Variants in TMTC2 observed in about 807,000 individuals in gnomAD.
The protein encoded by TMTC2 is protein O-mannosyl-transferase TMTC2.
TMTC2 carries 43 observed loss-of-function variants against 82.4 expected under a neutral mutation model. The observed-to-expected ratio is 0.52, with a 90% CI of 0.41 to 0.67. TMTC2 has a LOEUF of 0.67. Ranked by LOEUF, TMTC2 falls within the 30% of genes least tolerant of loss-of-function variation. TMTC2 has a pLI of 0.00. For synonymous variants in TMTC2, 408 were observed against 381.9 expected, an observed-to-expected ratio of 1.07 and a Z score of -0.80; for missense variants, 919 against 1,012.4, an observed-to-expected ratio of 0.91 and a Z score of 1.25.
intron 11 of TMTC2, among the ~76,000 whole-genome samples, chr12:83,092,986 CTGT>C (rs1883893676): frequency 6.6e-6 from 1 of 152,208 alleles, no homozygotes; most frequent in Non-Finnish European, 1.5e-5. Context: ...TTAAATATCA[CTGT>C]GTGTCAAAGG....
rs17009976 is a variant in TMTC2 at position 82,784,473 on chromosome 12, A to G, written c.84-72537A>G. On this transcript the variant is annotated intron_variant, in intron 1 of 11. Coordinates refer to ENST00000321196, the MANE Select transcript of TMTC2 (RefSeq NM_152588.3). The stretch of plus-strand genomic sequence containing the variant: ...TTACTATGATCGCACGGCCTGATAC[A>G]TCGGTGTTTCCTCCTACCTTGTAGA... Among the ~76,000 whole-genome samples the G allele has an allele frequency of 3.5e-3, 536 of 152,238 alleles. 2 individuals are homozygous for G. Among genetic ancestry groups the G allele is most frequent in the African/African-American group, 0.012 (486 of 41,574 alleles).
intron 11 of TMTC2, among the ~76,000 whole-genome samples, chr12:83,069,978 T>C (rs1441192884): frequency 6.6e-6 from 1 of 152,154 alleles, no homozygotes; most frequent in African/African-American, 2.4e-5. Context: ...TTGTTTGCTT[T>C]GTCGAAGATC....
rs1346299866 is a variant in TMTC2 at position 83,005,224 on chromosome 12, A to G, written c.2070+19178A>G. ...GTCTTATTAAAAAAAAAAAAAAAAAAGGGGAGAGAGAGAAAAGAAAAAAGG... is the reference window on the plus strand; with the variant it reads ...GTCTTATTAAAAAAAAAAAAAAAAAGGGGGAGAGAGAGAAAAGAAAAAAGG... On this transcript the variant is annotated intron_variant, in intron 8 of 11. Coordinates refer to ENST00000321196, the MANE Select transcript of TMTC2 (RefSeq NM_152588.3). Among the ~76,000 whole-genome samples, 16 of 12,708 alleles carry G rather than the reference A, an allele frequency of 1.3e-3. 1 individual carries two copies. The highest frequency in any genetic ancestry group is 2.0e-3 in the Admixed American group (1 of 504). 8.3% of individuals were successfully genotyped at this position (12,708 alleles called of 152,430 possible). A position where few individuals can be genotyped will look rare whatever the true frequency, so the allele number is the denominator to read the frequency against.
At chr12:83,039,070 T>A (rs1437706182) in intron 9 of TMTC2, among the ~76,000 whole-genome samples, 4 of 152,010 alleles carry the variant, frequency 2.6e-5, no homozygotes, top group Non-Finnish European at 5.9e-5. Context: ...TAGCCGGTAT[T>A]ATAGGCACCC....
chr12:83,045,098 G>A (rs1882037403), intron 9 of TMTC2, among the ~76,000 whole-genome samples: 1 of 152,098 alleles, frequency 6.6e-6, no homozygotes, highest in Admixed American at 6.5e-5. Flanking sequence ...GAGAAGAAAT[G>A]GTATTACTCT....
chr12:82,892,027 C>G (rs1031678071), intron 2 of TMTC2, among the ~76,000 whole-genome samples: 1 of 152,118 alleles, frequency 6.6e-6, no homozygotes, highest in Non-Finnish European at 1.5e-5. Context: ...GATTGTACCA[C>G]TGCACTCCAG....
chr12:82,906,425 G>T (rs1874312214), intron 3 of TMTC2, among the ~76,000 whole-genome samples: 1 of 152,134 alleles, frequency 6.6e-6, no homozygotes, highest in Non-Finnish European at 1.5e-5. Context: ...AGCACTTTGG[G>T]AGGCCAAGGC....
intron 1 of TMTC2, among the ~76,000 whole-genome samples, chr12:82,852,846 AC>A (rs1183849885): frequency 6.6e-6 from 1 of 152,160 alleles, no homozygotes; most frequent in Admixed American, 6.5e-5. Flanking sequence ...CTTATCACTG[AC>A]CTGCATGTGT....
chr12:82,950,069 C>T (rs1049430112), intron 4 of TMTC2, among the ~76,000 whole-genome samples: 18 of 152,076 alleles, frequency 1.2e-4, no homozygotes, highest in African/African-American at 4.1e-4. Flanking sequence ...AGAGAAAGGG[C>T]GGGTATTAAT....
chr12:83,031,840 C>G (rs532161152), intron 9 of TMTC2, among the ~76,000 whole-genome samples: 1 of 152,068 alleles, frequency 6.6e-6, no homozygotes, highest in African/African-American at 2.4e-5. Context: ...CCATTTTTTA[C>G]TTTATGTTAT....
intron 1 of TMTC2, among the ~76,000 whole-genome samples, chr12:82,823,859 T>C (rs1215539787): frequency 6.6e-6 from 1 of 151,738 alleles, no homozygotes; most frequent in African/African-American, 2.4e-5. Flanking sequence ...GGAAGAATAA[T>C]GTGTATTAAG....
chr12:83,038,938 T>TG lies in TMTC2; in HGVS notation c.2152+8059_2152+8060insG, dbSNP rs1366700590. Among the ~76,000 whole-genome samples, 416 of 148,276 alleles carry TG rather than the reference T, an allele frequency of 2.8e-3. 5 individuals are homozygous for TG. The highest frequency in any genetic ancestry group is 0.01 in the African/African-American group (404 of 40,080). On this transcript the variant is annotated intron_variant, in intron 9 of 11. Coordinates refer to ENST00000321196, the MANE Select transcript of TMTC2 (RefSeq NM_152588.3). ...GAACAAGCACCTTGGTTTTTTTTTT[T>TG]TTTTTTTTTTGAGATGGAGTCTCAC...
At chr12:82,990,612 G>A (rs1879358842) in intron 8 of TMTC2, among the ~76,000 whole-genome samples, 1 of 151,670 alleles carries the variant, frequency 6.6e-6, no homozygotes, top group African/African-American at 2.4e-5. Flanking sequence ...TTCATAGTAG[G>A]ACACTTCCAA....
At chr12:82,754,074 G>C (rs903414283) in intron 1 of TMTC2, among the ~76,000 whole-genome samples, 5 of 152,142 alleles carry the variant, frequency 3.3e-5, no homozygotes, top group African/African-American at 1.2e-4. Flanking sequence ...GCTTTCTTGG[G>C]AGATACCCCA....
rs192103203 is a variant in TMTC2 at position 82,989,901 on chromosome 12, A to C, written c.2070+3855A>C. ...GCTGATTAGATGAAATACAAACCCTATTATGGAATGGCTTAAACTCACAGT... is the reference window on the plus strand; with the variant it reads ...GCTGATTAGATGAAATACAAACCCTCTTATGGAATGGCTTAAACTCACAGT... On this transcript the variant is annotated intron_variant, in intron 8 of 11. Coordinates refer to ENST00000321196, the MANE Select transcript of TMTC2 (RefSeq NM_152588.3). Among the ~76,000 whole-genome samples the C allele has an allele frequency of 5.3e-5, 8 of 152,084 alleles. No homozygotes were observed. The East Asian group carries it at 1.5e-3, about 29-fold the overall frequency.
chr12:83,092,079 A>C (rs1198682478), intron 11 of TMTC2, among the ~76,000 whole-genome samples: 2 of 152,196 alleles, frequency 1.3e-5, no homozygotes, highest in Non-Finnish European at 2.9e-5. Context: ...AGAAATGGAA[A>C]CTATTAACAT....
chr12:82,885,870 C>A, intron 2 of TMTC2, among the ~76,000 whole-genome samples: 1 of 152,228 alleles, frequency 6.6e-6, no homozygotes, highest in East Asian at 1.9e-4. Context: ...CATACTGTGC[C>A]TTTTGGAAGG....
chr12:83,081,254 T>G (rs572409646), intron 11 of TMTC2, among the ~76,000 whole-genome samples: 1 of 152,330 alleles, frequency 6.6e-6, no homozygotes, highest in East Asian at 1.9e-4. Flanking sequence ...AATTATTATT[T>G]CTTATTGCAT....
Position 83,116,709 on chromosome 12 carries a change from T to C in TMTC2, c.2332-15501T>C, listed in dbSNP as rs541100324. Among the ~76,000 whole-genome samples, 51 of 152,354 alleles carry C rather than the reference T, an allele frequency of 3.3e-4. 1 individual carries two copies. Among genetic ancestry groups the C allele is most frequent in the Non-Finnish European group, 3.4e-4 (23 of 68,028 alleles). On this transcript the variant is annotated intron_variant, in intron 11 of 11. Transcript: ENST00000321196. ...TAGTGATGTTGAGCATTTTTTCTTA[T>C]GTTTGTTGGCCATTTGTGTATCTTC...
Sources: allele counts gnomAD v4.1 joint callset (sites outside exome capture counted in the v4.1 genomes callset), GRCh38; gene constraint gnomAD v4.1.1; transcripts MANE v1.5; gene names NCBI Gene and HGNC (gene_info 2026-07-23, HGNC 2026-07-21).